Variants in MYOCD observed in about 807,000 individuals in gnomAD.
MYOCD encodes myocardin.
Under a neutral mutation model 96.1 loss-of-function variants are expected in MYOCD, and 32 were observed. The observed-to-expected ratio is 0.33, with a 90% CI of 0.25 to 0.45. The LOEUF (loss-of-function observed/expected upper bound fraction) is 0.45, where lower values mean the gene tolerates loss of function less well. Among genes scored for constraint, MYOCD ranks in the 20% least tolerant of loss-of-function variants. MYOCD has a pLI of 1.00. For synonymous variants in MYOCD, 469 were observed against 469.0 expected (o/e 1.00, Z 0.00); for missense variants, 1,133 against 1,200.6 (o/e 0.94, Z 0.83).
At chr17:12,717,267 A>AAGGTTATTTTAGC in intron 3 of MYOCD, 79 bp from the exon 4 acceptor site, 1 of 993,112 alleles carries the variant, frequency 1.0e-6, no homozygotes, top group South Asian at 1.5e-5. Flanking sequence ...ATTATTTTAA[A>AAGGTTATTTTAGC]AGGTTATTTT....
intron 1 of MYOCD, among the ~76,000 whole-genome samples, chr17:12,694,671 G>A (rs965373721): frequency 6.6e-6 from 1 of 152,034 alleles, no homozygotes; most frequent in Non-Finnish European, 1.5e-5. Context: ...CAACCTTTTA[G>A]GAGAGCTATT....
At position 12,766,659 on chromosome 17, in the gene MYOCD, G is replaced by C. The variant is rs1169201809; in HGVS notation, c.*3015G>C. ...TGTGTCTTTTGTGATGACAAATCAG[G>C]CATGACTAAAAGATGTACAGAGACT... On this transcript the variant is annotated 3_prime_UTR_variant, in exon 14 of 14. Transcript: ENST00000425538. The C allele has an allele frequency of 6.6e-6, 1 of 152,066 alleles. No homozygotes were observed. The highest frequency in any genetic ancestry group is 2.4e-5 in the African/African-American group (1 of 41,404). The allele number at this position is 152,066 out of a possible 1,614,324, so 9.4% of individuals were successfully genotyped here.
At chr17:12,709,651 A>G (rs2031418848) in intron 2 of MYOCD, among the ~76,000 whole-genome samples, 1 of 152,204 alleles carries the variant, frequency 6.6e-6, no homozygotes, top group South Asian at 2.1e-4. Context: ...AAATCTCAAT[A>G]TGGAGATTTC....
intron 1 of MYOCD, among the ~76,000 whole-genome samples, chr17:12,694,731 A>T (rs2030652103): frequency 6.6e-6 from 1 of 152,196 alleles, no homozygotes; most frequent in Admixed American, 6.5e-5. Flanking sequence ...TGATGAAATC[A>T]TTCTACTTCT....
chr17:12,729,215 A>T (rs1229571743), intron 5 of MYOCD, among the ~76,000 whole-genome samples: 1 of 152,264 alleles, frequency 6.6e-6, no homozygotes, highest in East Asian at 1.9e-4. Context: ...TCCAAAGAGT[A>T]AACCACCCTT....
At chr17:12,698,729 CTTTTTTT>C (rs55758881) in intron 1 of MYOCD, among the ~76,000 whole-genome samples, 7 of 64,138 alleles carry the variant, frequency 1.1e-4, no homozygotes, top group Admixed American at 2.6e-4. Flanking sequence ...ACCAGACCCT[CTTTTTTT>C]TTTTTTTTTT....
At chr17:12,691,302 C>T (rs796097904) in intron 1 of MYOCD, among the ~76,000 whole-genome samples, 24 of 152,220 alleles carry the variant, frequency 1.6e-4, no homozygotes, top group African/African-American at 5.3e-4. Flanking sequence ...GAAGAATGAG[C>T]GAGCATGGGG....
At chr17:12,732,039 G>A (rs78960470) in intron 5 of MYOCD, among the ~76,000 whole-genome samples, 223 of 152,320 alleles carry the variant, frequency 1.5e-3, no homozygotes, top group African/African-American at 5.2e-3. Flanking sequence ...GTGGTCCTCA[G>A]TGCAGCTGTC....
At chr17:12,723,593 T>C (rs1198360082) in intron 5 of MYOCD, among the ~76,000 whole-genome samples, 2 of 152,232 alleles carry the variant, frequency 1.3e-5, no homozygotes, top group Non-Finnish European at 2.9e-5. Flanking sequence ...GATTCTGTTA[T>C]AAACTGTATA....
At chr17:12,725,169 C>T (rs76876417) in intron 5 of MYOCD, among the ~76,000 whole-genome samples, 8,226 of 151,898 alleles carry the variant, frequency 0.054, 483 homozygotes, top group African/African-American at 0.12. Flanking sequence ...ATAGTTCCAA[C>T]AGTTTCTCAG....
At chr17:12,695,545 C>G (rs2030704243) in intron 1 of MYOCD, among the ~76,000 whole-genome samples, 1 of 152,218 alleles carries the variant, frequency 6.6e-6, no homozygotes, top group Non-Finnish European at 1.5e-5. Flanking sequence ...CTTCTTACCC[C>G]TTTATCCCTT....
At chr17:12,667,930 C>T (rs566220997) in intron 1 of MYOCD, among the ~76,000 whole-genome samples, 113 of 144,596 alleles carry the variant, frequency 7.8e-4, no homozygotes, top group Non-Finnish European at 1.5e-3. Flanking sequence ...GATATCACAG[C>T]AGAAGCAGGC....
chr17:12,705,556 G>A, intron 2 of MYOCD: 1 of 168,132 alleles, frequency 5.9e-6, no homozygotes, highest in East Asian at 1.7e-4. Context: ...CTGAATTTCA[G>A]TTCTGTTTGG....
In MYOCD at chr17:12,715,542, C is replaced by T; in HGVS notation, c.145C>T (p.His49Tyr). The T allele has an allele frequency of 6.2e-7, 1 of 1,613,544 alleles. No individual in the cohort carries two copies. The highest frequency in any genetic ancestry group is 1.1e-5 in the South Asian group (1 of 90,922). The stretch of plus-strand genomic sequence containing the variant: ...AGCACTGAAACGTCCAGCTGAATTC[C>T]ATGAGCAAAGAAAACATTTGGATAG... The part of the protein sequence containing the change: ...IPPLKRPAEF[H>Y]EQRKHLDSDK... Residue 49 changes from histidine (H) to tyrosine (Y), a missense_variant, in exon 3 of 14, where the codon CAT (histidine) becomes TAT (tyrosine). Physicochemically the swap from His to Tyr is moderately conservative, Grantham distance 83 (BLOSUM62 2). Transcript: ENST00000425538.
chr17:12,666,415 G>A (rs968936457), intron 1 of MYOCD, among the ~76,000 whole-genome samples, 172 bp downstream of exon 1: 2 of 152,172 alleles, frequency 1.3e-5, no homozygotes, highest in Non-Finnish European at 2.9e-5. Context: ...GGCCTTTCGT[G>A]TCTTCCGTTG....
rs147831580 is a variant in MYOCD at position 12,752,360 on chromosome 17, C to T, written c.1126-54C>T. Reference sequence around the variant, plus strand: ...TGAAGCTAATTGTATAATGAATACACTTTTAAAAATATTGTCGTTAAACAG... The same window carrying T: ...TGAAGCTAATTGTATAATGAATACATTTTTAAAAATATTGTCGTTAAACAG... On this transcript the variant is annotated intron_variant, in intron 9 of 13. Transcript: ENST00000425538. 1.0e-3 allele frequency: 1,452 copies of T among 1,454,722 alleles called. 2 individuals carry two copies. The highest frequency in any genetic ancestry group is 4.0e-3 in the Middle Eastern group (22 of 5,532). 90.1% of individuals were successfully genotyped at this position (1,454,722 alleles called of 1,614,324 possible). A position where few individuals can be genotyped will look rare whatever the true frequency, so the allele number is the denominator to read the frequency against.
rs571062257 is a variant in MYOCD, at chr17:12,739,407, G to A, written c.717+79G>A. On this transcript the variant is annotated intron_variant, in intron 7 of 13. Transcript: ENST00000425538. ...ACTTGGAGCAGAACTTTCTGAGTTA[G>A]GTCTGACAACACGAGGAGAGTTACA... The A allele has an allele frequency of 1.6e-5, 23 of 1,452,322 alleles. No homozygotes were observed. The South Asian group carries it at 3.2e-4, about 20-fold the overall frequency. 90.0% of individuals were successfully genotyped at this position (1,452,322 alleles called of 1,614,324 possible).
In MYOCD at chr17:12,765,746, C is replaced by T. The variant is rs1368931528; in HGVS notation, c.*2102C>T. On this transcript the variant is annotated 3_prime_UTR_variant, in exon 14 of 14. Transcript: ENST00000425538. The stretch of plus-strand genomic sequence containing the variant: ...CTGTGTATGACTAACGGCTCCAACC[C>T]GATGACTCACAGCTACTTGCTTATC... 6 of 152,178 alleles carry T rather than the reference C, an allele frequency of 3.9e-5. No homozygotes were observed. The highest frequency in any genetic ancestry group is 1.9e-4 in the East Asian group (1 of 5,194). 9.4% of individuals were successfully genotyped at this position (152,178 alleles called of 1,614,324 possible). A position where few individuals can be genotyped will look rare whatever the true frequency, so the allele number is the denominator to read the frequency against.
At chr17:12,739,375 A>G in intron 7 of MYOCD, 47 bp downstream of exon 7, 2 of 1,497,458 alleles carry the variant, frequency 1.3e-6, no homozygotes, top group Non-Finnish European at 1.8e-6. Context: ...CTCGGCTCAC[A>G]GAGCCGACTT....
Sources: allele counts gnomAD v4.1 joint callset (sites outside exome capture counted in the v4.1 genomes callset), GRCh38; gene constraint gnomAD v4.1.1; transcripts MANE v1.5; gene names NCBI Gene and HGNC (gene_info 2026-07-23, HGNC 2026-07-21).